The following SVOPL variants were observed in gnomAD, a reference collection of about 807,000 sequenced individuals.
SVOPL encodes putative transporter SVOPL.
In SVOPL, 60 loss-of-function variants were observed where a neutral mutation model predicts 61.0. The observed-to-expected ratio is 0.98, with a 90% CI of 0.80 to 1.22. The LOEUF (loss-of-function observed/expected upper bound fraction) is 1.22. Among genes scored for constraint, SVOPL ranks in the 50% most tolerant of loss-of-function variants. The pLI is 0.00. For missense variants in SVOPL, 662 were observed against 643.9 expected, an observed-to-expected ratio of 1.03 and a Z score of -0.30; for synonymous variants, 279 against 250.0, an observed-to-expected ratio of 1.12 and a Z score of -1.09.
intron 1 of SVOPL, among the ~76,000 whole-genome samples, chr7:138,691,118 A>G (rs757328407): frequency 7.9e-5 from 12 of 152,216 alleles, no homozygotes; most frequent in Non-Finnish European, 1.6e-4. Flanking sequence ...TAGGTGGATT[A>G]TGTCAATTAT....
At chr7:138,662,621 T>G (rs1802048460) in intron 5 of SVOPL, 1 of 990,162 alleles carries the variant, frequency 1.0e-6, no homozygotes, top group Non-Finnish European at 1.2e-6. Context: ...ATTAACTCAT[T>G]AGAAGCGAAG....
intron 14 of SVOPL, chr7:138,596,959 G>T (rs1455944063): frequency 8.9e-7 from 1 of 1,119,484 alleles, no homozygotes; most frequent in East Asian, 6.8e-5. Context: ...ACAGGTGAAA[G>T]TTTTTTTTGG....
intron 14 of SVOPL, among the ~76,000 whole-genome samples, chr7:138,611,857 T>A (rs1382798678): frequency 1.3e-5 from 1 of 76,296 alleles, no homozygotes; most frequent in Non-Finnish European, 2.7e-5. Context: ...GTGCCGAGAT[T>A]GCAGCCTCTG....
intron 8 of SVOPL, among the ~76,000 whole-genome samples, chr7:138,647,751 G>A (rs984348592): frequency 2.0e-5 from 3 of 151,412 alleles, no homozygotes; most frequent in African/African-American, 7.3e-5. Context: ...AGGAGGCTGA[G>A]GCAGGAGAAT....
rs180710086 is a variant in SVOPL, at chr7:138,686,264, G to A, written c.-34-7185C>T. Among the ~76,000 whole-genome samples the A allele has an allele frequency of 7.8e-3, 1,181 of 152,012 alleles. 17 individuals are homozygous for A. Among genetic ancestry groups the A allele is most frequent in the African/African-American group, 0.026 (1,085 of 41,468 alleles). On this transcript the variant is annotated intron_variant, in intron 1 of 15. Transcript: ENST00000674285. ...CTAAAAATACAAAAATTAGCTGGGC[G>A]TGGTGGTGGGCACCTGTAATCCCAG... is the stretch of plus-strand genomic sequence containing the variant.
chr7:138,654,180 C>T (rs1801586417), intron 7 of SVOPL, among the ~76,000 whole-genome samples: 1 of 148,988 alleles, frequency 6.7e-6, no homozygotes, highest in Admixed American at 6.7e-5. Context: ...CAAATAAACA[C>T]TCAGAAGAAA....
intron 13 of SVOPL, among the ~76,000 whole-genome samples, chr7:138,622,874 C>A (rs1799734058): frequency 6.6e-6 from 1 of 152,162 alleles, no homozygotes; most frequent in Non-Finnish European, 1.5e-5. Context: ...GTCAGCAAGT[C>A]TTCCTGAATA....
chr7:138,661,626 T>G, intron 5 of SVOPL: 1 of 984,742 alleles, frequency 1.0e-6, no homozygotes, highest in Non-Finnish European at 1.2e-6. Flanking sequence ...TCCATGTTTT[T>G]AGATTTTGTG....
At chr7:138,637,679 T>C (rs1161090939) in intron 9 of SVOPL, among the ~76,000 whole-genome samples, 1 of 152,008 alleles carries the variant, frequency 6.6e-6, no homozygotes, top group Non-Finnish European at 1.5e-5. Context: ...CGGCCAGACG[T>C]AGTGGCTCAT....
chr7:138,690,774 T>C (rs1802922776), intron 1 of SVOPL, among the ~76,000 whole-genome samples: 1 of 151,724 alleles, frequency 6.6e-6, no homozygotes, highest in Admixed American at 6.6e-5. Context: ...CTTTCTTTCT[T>C]TCTTTCTTTT....
rs190885723 is a variant in SVOPL at position 138,679,016 on chromosome 7, C to T, written c.30G>A (p.Thr10=). 2.1e-5 allele frequency: 32 copies of T among 1,551,632 alleles called. 1 individual carries two copies. The East Asian group carries it at 5.4e-4, about 26-fold the overall frequency. Residue 10 remains threonine (T), a synonymous_variant, in exon 2 of 16, where the codon ACG becomes ACA. Coordinates refer to ENST00000674285, the MANE Select transcript of SVOPL (RefSeq NM_001139456.2). ...GGCTCAATTTCCGAAGGCTGAGGAT[C>T]GTGACAGGCTCTGTTGGCTTGGTTG... MATKPTEPV[T]ILSLRKLSLG... is the part of the protein sequence containing the mutation.
At position 138,643,154 on chromosome 7, in the gene SVOPL, C is replaced by T. The variant is rs765836088; in HGVS notation, c.789+1563G>A. Among the ~76,000 whole-genome samples the T allele has an allele frequency of 7.9e-5, 12 of 152,148 alleles. No individual in the cohort carries two copies. In the East Asian group the frequency reaches 9.7e-4, roughly 12 times the overall value. ...TTGAAAGTGAGGCCTTGGCCAGGTG[C>T]GGTGGCTCACGCCTGTAATCCCAGC... On this transcript the variant is annotated intron_variant, in intron 9 of 15. Coordinates refer to ENST00000674285, the MANE Select transcript of SVOPL (RefSeq NM_001139456.2).
intron 9 of SVOPL, among the ~76,000 whole-genome samples, chr7:138,636,041 C>G (rs1482798908): frequency 6.6e-6 from 1 of 152,118 alleles, no homozygotes; most frequent in East Asian, 1.9e-4. Flanking sequence ...GCCTCAGCCT[C>G]CCAAGCAGCT....
At chr7:138,627,509 T>A (rs2116910087) in intron 11 of SVOPL, 48 bp from the exon 12 acceptor site, 1 of 1,419,354 alleles carries the variant, frequency 7.0e-7, no homozygotes, top group African/African-American at 1.4e-5. Flanking sequence ...GGAAGGCAAG[T>A]GGCATATTGC....
intron 9 of SVOPL, among the ~76,000 whole-genome samples, chr7:138,637,590 G>A (rs1031476344): frequency 2.6e-5 from 4 of 151,840 alleles, no homozygotes; most frequent in South Asian, 2.1e-4. Flanking sequence ...ATATAACAAA[G>A]CTAAATCTGT....
chr7:138,654,039 G>A (rs564532870), intron 7 of SVOPL, among the ~76,000 whole-genome samples: 12 of 151,424 alleles, frequency 7.9e-5, no homozygotes, highest in Non-Finnish European at 1.5e-4. Context: ...AGGCTGAGGC[G>A]TGAGAATCTC....
At chr7:138,644,898 G>A (rs1022657783) in intron 8 of SVOPL, 53 bp from the exon 9 acceptor site, 3 of 1,610,724 alleles carry the variant, frequency 1.9e-6, no homozygotes, top group Non-Finnish European at 2.5e-6. Flanking sequence ...AGAACCCAGG[G>A]GTACAGCTAT....
intron 9 of SVOPL, among the ~76,000 whole-genome samples, chr7:138,632,024 G>A (rs1800227028): frequency 6.8e-6 from 1 of 146,018 alleles, no homozygotes; most frequent in South Asian, 2.1e-4. Context: ...TAAGCATCTG[G>A]GCTCTGTTTT....
chr7:138,622,274 C>CTATCTATCTATCTATCTATG (rs1799696284), intron 13 of SVOPL, among the ~76,000 whole-genome samples: 1 of 103,652 alleles, frequency 9.6e-6, no homozygotes. Context: ...ATCTATGTAT[C>CTATCTATCTATCTATCTATG]TATCTATCTA....
Sources: gnomAD v4.1 joint callset for allele counts (sites outside exome capture counted in the v4.1 genomes callset) on GRCh38, gnomAD v4.1.1 for gene constraint, MANE v1.5 for transcripts, NCBI Gene and HGNC (gene_info 2026-07-23, HGNC 2026-07-21) for gene names.